Variants in MDGA2 observed in about 807,000 individuals in gnomAD.
MDGA2 encodes MAM domain-containing glycosylphosphatidylinositol anchor protein 2.
MDGA2 carries 40 observed loss-of-function variants against 117.8 expected under a neutral mutation model. The ratio of observed to expected loss-of-function variants is 0.34; its 90% confidence interval spans 0.26 to 0.44. MDGA2 has a LOEUF of 0.44. Among genes scored for constraint, MDGA2 ranks in the 20% least tolerant of loss-of-function variants. The probability of loss-of-function intolerance (pLI) is 1.00; values close to 1 mark genes in which losing one functional copy is unlikely to be tolerated. For missense variants in MDGA2, 1,123 were observed against 1,250.6 expected, an observed-to-expected ratio of 0.90 and a Z score of 1.54; for synonymous variants, 452 against 439.0, an observed-to-expected ratio of 1.03 and a Z score of -0.37.
At chr14:47,584,123 G>A (rs952837675) in intron 1 of MDGA2, among the ~76,000 whole-genome samples, 1 of 151,590 alleles carries the variant, frequency 6.6e-6, no homozygotes, top group African/African-American at 2.4e-5. Flanking sequence ...TTTATAAAAC[G>A]CTTTAATTTT....
intron 3 of MDGA2, among the ~76,000 whole-genome samples, chr14:47,167,465 A>T (rs555741791): frequency 2.0e-5 from 3 of 152,300 alleles, no homozygotes; most frequent in African/African-American, 7.2e-5. Context: ...GACTGAGTGC[A>T]TAGGGAGAAA....
chr14:46,885,532 C>T (rs1882640737), intron 10 of MDGA2, among the ~76,000 whole-genome samples: 1 of 152,146 alleles, frequency 6.6e-6, no homozygotes, highest in African/African-American at 2.4e-5. Flanking sequence ...TTTCCACCAT[C>T]AAGTAGGCAG....
intron 8 of MDGA2, among the ~76,000 whole-genome samples, chr14:46,975,270 T>C (rs759162172): frequency 3.3e-5 from 5 of 152,160 alleles, no homozygotes; most frequent in Non-Finnish European, 5.9e-5. Context: ...GTACAGCCAC[T>C]GTGGAAAACA....
At chr14:47,525,991 A>C (rs924245221) in intron 1 of MDGA2, among the ~76,000 whole-genome samples, 1 of 151,972 alleles carries the variant, frequency 6.6e-6, no homozygotes, top group Admixed American at 6.6e-5. Flanking sequence ...TTGAGCTTTA[A>C]TCTGGATATT....
intron 2 of MDGA2, among the ~76,000 whole-genome samples, chr14:47,293,347 C>A (rs1245823358): frequency 6.6e-6 from 1 of 152,148 alleles, no homozygotes; most frequent in Non-Finnish European, 1.5e-5. Context: ...GGTATTCTTA[C>A]TCATAATTAA....
intron 3 of MDGA2, among the ~76,000 whole-genome samples, chr14:47,175,275 G>A (rs1477463962): frequency 1.3e-5 from 2 of 151,838 alleles, no homozygotes; most frequent in African/African-American, 2.4e-5. Context: ...TAGAAAAGGA[G>A]GGAATCCTCC....
chr14:46,945,449 C>G (rs1237130465), intron 9 of MDGA2, among the ~76,000 whole-genome samples: 1 of 151,994 alleles, frequency 6.6e-6, no homozygotes. Flanking sequence ...TGCTAGAACT[C>G]TATTATCAAT....
intron 5 of MDGA2, among the ~76,000 whole-genome samples, chr14:47,127,273 T>G (rs1881953148): frequency 6.6e-6 from 1 of 152,108 alleles, no homozygotes; most frequent in Non-Finnish European, 1.5e-5. Context: ...AATGGTAACT[T>G]ATGTTCCTCT....
intron 3 of MDGA2, among the ~76,000 whole-genome samples, chr14:47,199,201 C>G (rs1885400141): frequency 6.6e-6 from 1 of 151,928 alleles, no homozygotes; most frequent in Non-Finnish European, 1.5e-5. Flanking sequence ...CCCTCTCTCT[C>G]TCTATACATA....
chr14:46,975,013 T>C (rs12896166), intron 8 of MDGA2, among the ~76,000 whole-genome samples: 3,169 of 152,016 alleles, frequency 0.021, 59 homozygotes, highest in Non-Finnish European at 0.032. Flanking sequence ...AAAAAAGCAA[T>C]AGCTCAATTC....
chr14:47,105,292 A>G (rs1341911255), intron 5 of MDGA2, among the ~76,000 whole-genome samples: 1 of 151,690 alleles, frequency 6.6e-6, no homozygotes, highest in Non-Finnish European at 1.5e-5. Context: ...TTATTTCTGC[A>G]CCCTGACCTC....
chr14:47,251,733 TA>T (rs1182470358), intron 2 of MDGA2, among the ~76,000 whole-genome samples: 1 of 152,164 alleles, frequency 6.6e-6, no homozygotes, highest in Non-Finnish European at 1.5e-5. Flanking sequence ...TGTTTGGAAG[TA>T]AAACAATCTC....
At chr14:47,311,767 C>T (rs1023948130) in intron 1 of MDGA2, among the ~76,000 whole-genome samples, 2 of 152,022 alleles carry the variant, frequency 1.3e-5, no homozygotes, top group African/African-American at 4.8e-5. Context: ...AAATTAATAT[C>T]CCCAGTGAAG....
In MDGA2 at chr14:46,890,820, G is replaced by A. The variant is rs145044117; in HGVS notation, c.2239-8599C>T. ...ACCAAGGGAAATATTCTTGCCCTGC[G>A]ATCACAGAAATAGAAGTAATAGAAA... On this transcript the variant is annotated intron_variant, in intron 10 of 16. Transcript: ENST00000399232. Among the ~76,000 whole-genome samples the A allele has an allele frequency of 1.2e-4, 19 of 152,132 alleles. No individual in the cohort carries two copies. The East Asian group carries it at 3.5e-3, about 28-fold the overall frequency.
At chr14:46,962,792 T>C (rs919673781) in intron 8 of MDGA2, among the ~76,000 whole-genome samples, 13 of 152,104 alleles carry the variant, frequency 8.5e-5, no homozygotes, top group South Asian at 4.1e-4. Flanking sequence ...AGAGTGAGTA[T>C]AGACAAAAAT....
chr14:47,025,538 A>G (rs1888440426), intron 8 of MDGA2, among the ~76,000 whole-genome samples: 1 of 152,052 alleles, frequency 6.6e-6, no homozygotes, highest in Non-Finnish European at 1.5e-5. Context: ...TCTAGGCAGC[A>G]GTTCTTAACC....
chr14:46,876,714 A>C (rs930655212), intron 12 of MDGA2, among the ~76,000 whole-genome samples: 12 of 151,344 alleles, frequency 7.9e-5, no homozygotes, highest in African/African-American at 2.2e-4. Context: ...ACAAAAAAAA[A>C]CTCAGGAACA....
At chr14:46,899,410 T>C (rs1345395164) in intron 10 of MDGA2, among the ~76,000 whole-genome samples, 5 of 152,064 alleles carry the variant, frequency 3.3e-5, no homozygotes, top group Non-Finnish European at 7.4e-5. Flanking sequence ...ATTTGTACCA[T>C]TCACTTTCTA....
At chr14:47,319,719 T>C (rs12185056) in intron 1 of MDGA2, among the ~76,000 whole-genome samples, 6,181 of 152,296 alleles carry the variant, frequency 0.041, 173 homozygotes, top group African/African-American at 0.076. Flanking sequence ...GTTTGTCTTA[T>C]GGCAGCAATA....
Sources: gnomAD v4.1 joint callset for allele counts (sites outside exome capture counted in the v4.1 genomes callset) on GRCh38, gnomAD v4.1.1 for gene constraint, MANE v1.5 for transcripts, NCBI Gene and HGNC (gene_info 2026-07-23, HGNC 2026-07-21) for gene names.